The following SIN3B variants were observed in gnomAD, a reference collection of about 807,000 sequenced individuals.
SIN3B encodes the protein SIN3 transcription regulator family member B, also known as paired amphipathic helix protein Sin3b.
Under a neutral mutation model 120.2 loss-of-function variants are expected in SIN3B, and 19 were observed. That is an observed-to-expected ratio of 0.16 (90% CI 0.11 to 0.23). The LOEUF (loss-of-function observed/expected upper bound fraction) is 0.23, where lower values mean the gene tolerates loss of function less well. SIN3B is among the 10% of genes least tolerant of loss of function. SIN3B has a pLI of 1.00. For missense variants in SIN3B, 1,073 were observed against 1,573.0 expected (o/e 0.68, Z 5.38); for synonymous variants, 654 against 653.2 (o/e 1.00, Z -0.02).
Position 16,862,774 on chromosome 19 carries a change from C to A in SIN3B, c.1266+215C>A. On this transcript the variant is annotated intron_variant, in intron 9 of 18. Coordinates refer to ENST00000248054, the MANE Select transcript of SIN3B (RefSeq NM_001297595.2). The surrounding 1 kb of genome is among the most constrained non-coding windows in gnomAD (Gnocchi z 4.7). ...GGTAGTTTTGGCAAAACACAGAGTGCCAGGGATAACGTGGAGTTCGGCTTA... is the reference window on the plus strand; with the variant it reads ...GGTAGTTTTGGCAAAACACAGAGTGACAGGGATAACGTGGAGTTCGGCTTA... 1 of 1,037,236 alleles carries A rather than the reference C, an allele frequency of 9.6e-7. No individual in the cohort carries two copies. 64.3% of individuals were successfully genotyped at this position (1,037,236 alleles called of 1,614,324 possible). A position where few individuals can be genotyped will look rare whatever the true frequency, so the allele number is the denominator to read the frequency against.
intron 5 of SIN3B, among the ~76,000 whole-genome samples, chr19:16,847,693 C>T (rs373271694): frequency 6.6e-5 from 10 of 152,288 alleles, no homozygotes; most frequent in African/African-American, 2.4e-4. Context: ...CTGCCAGGGC[C>T]GCCTGTTCCG....
intron 14 of SIN3B, 157 bp from the exon 15 acceptor site, chr19:16,875,898 G>A: frequency 2.3e-6 from 2 of 884,336 alleles, no homozygotes; most frequent in Non-Finnish European, 1.7e-6. Flanking sequence ...GTTTGGTCTG[G>A]TCTGCCCACA....
chr19:16,877,297 C>T, intron 16 of SIN3B: 1 of 515,818 alleles, frequency 1.9e-6, no homozygotes, highest in Non-Finnish European at 3.5e-6. Context: ...CTTCCAGCTT[C>T]CGGGGGCTTC....
rs77426254 is a variant in SIN3B, at chr19:16,853,823, C to T, written c.940-320C>T. On this transcript the variant is annotated intron_variant, in intron 7 of 18. Coordinates refer to ENST00000248054, the MANE Select transcript of SIN3B (RefSeq NM_001297595.2). ...CAAACTGTGAATTGCTGCATGGACGCGTGCAGGGACTGTGTGAATTGCTGC... is the reference window on the plus strand; with the variant it reads ...CAAACTGTGAATTGCTGCATGGACGTGTGCAGGGACTGTGTGAATTGCTGC... 5.3e-5 allele frequency among the ~76,000 whole-genome samples: 8 copies of T among 150,736 alleles called. No individual in the cohort carries two copies. The East Asian group carries it at 7.8e-4, about 15-fold the overall frequency.
chr19:16,879,386 A>G lies in SIN3B; in HGVS notation c.*659A>G, dbSNP rs2051662673. On this transcript the variant is annotated 3_prime_UTR_variant, in exon 19 of 19. Coordinates refer to ENST00000248054, the MANE Select transcript of SIN3B (RefSeq NM_001297595.2). ...CCTGGGAGACCCCGCTCTGGATAAGACACCCAACCCCAACTCCAGCAGCTG... is the reference window on the plus strand; with the variant it reads ...CCTGGGAGACCCCGCTCTGGATAAGGCACCCAACCCCAACTCCAGCAGCTG... The G allele has an allele frequency of 6.6e-6, 1 of 152,144 alleles. No individual in the cohort carries two copies. The highest frequency in any genetic ancestry group is 2.1e-4 in the South Asian group (1 of 4,826). The allele number at this position is 152,144 out of a possible 1,614,324, so 9.4% of individuals were successfully genotyped here.
At position 16,862,979 on chromosome 19, in the gene SIN3B, G is replaced by C. The variant is rs141243481; in HGVS notation, c.1266+420G>C. On this transcript the variant is annotated intron_variant, in intron 9 of 18. Coordinates refer to ENST00000248054, the MANE Select transcript of SIN3B (RefSeq NM_001297595.2). The surrounding 1 kb of genome is among the most constrained non-coding windows in gnomAD (Gnocchi z 4.7). ...GCTGGATTCCAGGATATAGTGCAGG[G>C]GTCAGCAAACTCTGGCCCACGGGCC... The C allele has an allele frequency of 2.6e-5, 42 of 1,612,834 alleles. No individual in the cohort carries two copies. The highest frequency in any genetic ancestry group is 3.1e-5 in the Non-Finnish European group (37 of 1,178,946).
chr19:16,852,642 C>A (rs562049536), intron 6 of SIN3B, among the ~76,000 whole-genome samples: 135 of 152,304 alleles, frequency 8.9e-4, no homozygotes, highest in African/African-American at 3.1e-3. Context: ...CCAAGTCCAG[C>A]TTAGAGACAA....
At chr19:16,842,028 C>T in intron 4 of SIN3B, 60 bp downstream of exon 4, 1 of 1,270,482 alleles carries the variant, frequency 7.9e-7, no homozygotes. Context: ...TGGGGCCCTG[C>T]AGATATTCAG....
rs1354555594 is a variant in SIN3B, at chr19:16,878,301, C to T, written c.3073C>T (p.Arg1025Cys). The T allele has an allele frequency of 2.5e-5, 41 of 1,610,510 alleles. No homozygotes were observed. The highest frequency in any genetic ancestry group is 3.4e-5 in the Non-Finnish European group (40 of 1,178,924). Reference protein sequence around the residue: ...GVESACDVDCRFKLSTHKMVF... With the variant: ...GVESACDVDCCFKLSTHKMVF... ...GGAGAGCGCCTGCGACGTGGACTGC[C>T]GCTTCAAGCTCAGCACTCACAAGAT... The change falls in exon 18 of 19, where the codon CGC becomes TGC. Residue 1025 changes from arginine to cysteine, a missense_variant. Transcript: ENST00000248054.
chr19:16,852,071 T>C (rs759882477), intron 6 of SIN3B, among the ~76,000 whole-genome samples: 6 of 152,214 alleles, frequency 3.9e-5, no homozygotes, highest in Admixed American at 6.5e-5. Flanking sequence ...TCCATTCTAG[T>C]GTTGATGTCC....
At chr19:16,853,015 C>A in intron 6 of SIN3B, 54 bp from the exon 7 acceptor site, 1 of 1,438,238 alleles carries the variant, frequency 7.0e-7, no homozygotes. Context: ...CAGCGATGGA[C>A]AGAGGCCACC....
At chr19:16,847,146 G>T in intron 5 of SIN3B, 33 bp downstream of exon 5, 1 of 1,594,172 alleles carries the variant, frequency 6.3e-7, no homozygotes, top group East Asian at 2.3e-5. Flanking sequence ...CAGCCTCGGG[G>T]GCCTCAGCGA....
intron 4 of SIN3B, among the ~76,000 whole-genome samples, chr19:16,845,562 C>T (rs189660580): frequency 3.0e-4 from 45 of 152,240 alleles, no homozygotes; most frequent in East Asian, 2.5e-3. Flanking sequence ...CCTGAGCTAC[C>T]GCACCTGGCC....
intron 8 of SIN3B, among the ~76,000 whole-genome samples, chr19:16,857,425 T>G (rs917267485): frequency 3.3e-5 from 5 of 152,180 alleles, no homozygotes; most frequent in African/African-American, 1.2e-4. Flanking sequence ...GGCAGCAAGC[T>G]GGACTTTTTT....
chr19:16,848,006 A>G (rs1164910037), intron 5 of SIN3B, among the ~76,000 whole-genome samples: 3 of 152,082 alleles, frequency 2.0e-5, no homozygotes, highest in African/African-American at 7.2e-5. Flanking sequence ...ATGTCACCAT[A>G]TGTGGCCTTT....
intron 3 of SIN3B, among the ~76,000 whole-genome samples, chr19:16,839,272 C>A (rs1172556394): frequency 2.6e-5 from 4 of 152,170 alleles, no homozygotes; most frequent in Non-Finnish European, 5.9e-5. Context: ...CTGGCCTGAG[C>A]CACTGTCCCT....
chr19:16,857,759 A>C (rs1268816700), intron 8 of SIN3B, among the ~76,000 whole-genome samples: 1 of 152,140 alleles, frequency 6.6e-6, no homozygotes, highest in Admixed American at 6.6e-5. Context: ...AGTGACCGCC[A>C]CCTGCACTAA....
At chr19:16,851,560 G>A (rs1971546549) in intron 6 of SIN3B, 26 bp downstream of exon 6, 1 of 1,558,510 alleles carries the variant, frequency 6.4e-7, no homozygotes. Context: ...ATGCAGCCAT[G>A]CCTGCACGCG....
At chr19:16,877,298 C>T (rs556729048) in intron 16 of SIN3B, 18 of 516,450 alleles carry the variant, frequency 3.5e-5, no homozygotes, top group Middle Eastern at 5.1e-4. Context: ...TTCCAGCTTC[C>T]GGGGGCTTCT....
Sources: gnomAD v4.1 joint callset for allele counts (sites outside exome capture counted in the v4.1 genomes callset) on GRCh38, gnomAD v4.1.1 for gene constraint, Gnocchi (gnomAD v3.1) non-coding constraint, MANE v1.5 for transcripts, NCBI Gene and HGNC (gene_info 2026-07-23, HGNC 2026-07-21) for gene names.